Variants in PDZD2 observed in about 807,000 individuals in gnomAD.
PDZD2 encodes PDZ domain containing 2.
PDZD2 carries 90 observed loss-of-function variants against 220.7 expected under a neutral mutation model. The observed-to-expected ratio is 0.41, with a 90% CI of 0.34 to 0.49. The LOEUF is 0.49. PDZD2 is among the 20% of genes least tolerant of loss of function. The pLI is 0.28. For synonymous variants in PDZD2, 1,375 were observed against 1,450.5 expected (o/e 0.95, Z 1.18); for missense variants, 3,174 against 3,608.5 (o/e 0.88, Z 3.08).
intron 2 of PDZD2, among the ~76,000 whole-genome samples, chr5:31,975,798 T>TTTTTTTTTTC (rs1749702873): frequency 2.1e-5 from 1 of 47,604 alleles, no homozygotes; most frequent in African/African-American, 1.1e-4. Flanking sequence ...AGTCACTTTT[T>TTTTTTTTTTC]TTTTATTTAT....
At chr5:32,023,079 G>A (rs369990976) in intron 6 of PDZD2, among the ~76,000 whole-genome samples, 21 of 152,180 alleles carry the variant, frequency 1.4e-4, no homozygotes, top group Non-Finnish European at 2.1e-4. Flanking sequence ...CCTGCCAGTC[G>A]GGGTGCTGGC....
chr5:31,737,490 T>C (rs551674467), intron 1 of PDZD2, among the ~76,000 whole-genome samples: 6 of 152,228 alleles, frequency 3.9e-5, no homozygotes, highest in Admixed American at 1.3e-4. Context: ...CTACTTCTTA[T>C]AGGGAAAGGA....
intron 7 of PDZD2, among the ~76,000 whole-genome samples, chr5:32,038,370 TACACAC>T (rs1377532006): frequency 6.7e-6 from 1 of 150,368 alleles, no homozygotes; most frequent in Non-Finnish European, 1.5e-5. Context: ...TCTACTAAAA[TACACAC>T]ACACACAAAA....
chr5:31,781,655 G>A (rs73058483), intron 1 of PDZD2, among the ~76,000 whole-genome samples: 4,774 of 152,306 alleles, frequency 0.031, 85 homozygotes, highest in Middle Eastern at 0.048. Flanking sequence ...AATGCTGTAC[G>A]TAGTCCTAGG....
Position 31,827,015 on chromosome 5 carries a change from G to A in PDZD2, c.476+27291G>A, listed in dbSNP as rs76994948. Among the ~76,000 whole-genome samples, 293 of 152,218 alleles carry A rather than the reference G, an allele frequency of 1.9e-3. 1 individual carries two copies. Among genetic ancestry groups the A allele is most frequent in the Non-Finnish European group, 3.5e-3 (241 of 68,018 alleles). On this transcript the variant is annotated intron_variant, in intron 2 of 24. Transcript: ENST00000438447. Reference sequence around the variant, plus strand: ...GTGTGTCTGTCCCTATAGACAGCACGTCCATTCCCCAGAAAGGAGCGTAAC... The same window carrying A: ...GTGTGTCTGTCCCTATAGACAGCACATCCATTCCCCAGAAAGGAGCGTAAC...
Position 31,789,054 on chromosome 5 carries a change from A to G in PDZD2, c.-360-9835A>G, listed in dbSNP as rs114381351. On this transcript the variant is annotated intron_variant, in intron 1 of 24. Transcript: ENST00000438447. ...TTATTCAGCTATAACAGAATATCTA[A>G]TTAACAGGGCTTAGACAAGATAGGT... is the stretch of plus-strand genomic sequence containing the variant. 4.1e-3 allele frequency among the ~76,000 whole-genome samples: 632 copies of G among 152,330 alleles called. 5 individuals are homozygous for G. Among genetic ancestry groups the G allele is most frequent in the African/African-American group, 0.014 (571 of 41,578 alleles).
intron 2 of PDZD2, among the ~76,000 whole-genome samples, chr5:31,971,397 A>G (rs1471254720): frequency 1.3e-5 from 2 of 152,202 alleles, no homozygotes; most frequent in Non-Finnish European, 2.9e-5. Flanking sequence ...CCCATTCACG[A>G]GGCCTCTGGC....
At chr5:31,781,610 A>G (rs1392476423) in intron 1 of PDZD2, among the ~76,000 whole-genome samples, 1 of 152,268 alleles carries the variant, frequency 6.6e-6, no homozygotes, top group Non-Finnish European at 1.5e-5. Context: ...AAGCATAAGC[A>G]AATGAAACTA....
At chr5:31,929,478 TGC>T (rs1394795344) in intron 2 of PDZD2, among the ~76,000 whole-genome samples, 1 of 152,170 alleles carries the variant, frequency 6.6e-6, no homozygotes, top group Non-Finnish European at 1.5e-5. Flanking sequence ...CTGCGGACAG[TGC>T]TAAATGTCTC....
rs373577581 is a variant in PDZD2 at position 31,754,695 on chromosome 5, C to T, written c.-360-44194C>T. On this transcript the variant is annotated intron_variant, in intron 1 of 24. Transcript: ENST00000438447. ...AGCTCTGGTTCAGAAGTCAGAGAGC[C>T]TGAATTTTGATTGTGACTCTTTCTG... 4.6e-5 allele frequency: 7 copies of T among 152,224 alleles called. 1 individual carries two copies. The highest frequency in any genetic ancestry group is 3.9e-4 in the East Asian group (2 of 5,174). 9.4% of individuals were successfully genotyped at this position (152,224 alleles called of 1,614,324 possible). A position where few individuals can be genotyped will look rare whatever the true frequency, so the allele number is the denominator to read the frequency against.
chr5:31,822,034 T>A (rs1206813144), intron 2 of PDZD2, among the ~76,000 whole-genome samples: 1 of 152,218 alleles, frequency 6.6e-6, no homozygotes, highest in African/African-American at 2.4e-5. Flanking sequence ...TCATCGTTTT[T>A]TATGGCTGCA....
chr5:32,004,013 C>T (rs1752613541), intron 5 of PDZD2, among the ~76,000 whole-genome samples: 2 of 151,892 alleles, frequency 1.3e-5, no homozygotes, highest in African/African-American at 4.8e-5. Flanking sequence ...CATCCAGCCT[C>T]TCCTGCTAGT....
At chr5:31,879,755 C>T (rs1580975492) in intron 2 of PDZD2, among the ~76,000 whole-genome samples, 1 of 151,820 alleles carries the variant, frequency 6.6e-6, no homozygotes, top group African/African-American at 2.4e-5. Flanking sequence ...TAGCTTTTCT[C>T]ATTATCTTCA....
At chr5:31,973,909 G>C (rs1007522581) in intron 2 of PDZD2, among the ~76,000 whole-genome samples, 7 of 152,192 alleles carry the variant, frequency 4.6e-5, no homozygotes, top group Non-Finnish European at 1.0e-4. Context: ...TATAGTCACA[G>C]CCACTTGGGA....
chr5:32,096,918 C>T (rs1180156074), intron 21 of PDZD2, among the ~76,000 whole-genome samples: 2 of 147,376 alleles, frequency 1.4e-5, no homozygotes, highest in Admixed American at 7.0e-5. Context: ...TCACTGCAGC[C>T]GTGACCTTCC....
rs150975048 is a variant in PDZD2, at chr5:31,706,003, G to A, written c.-361+66566G>A. Among the ~76,000 whole-genome samples, 229 of 151,146 alleles carry A rather than the reference G, an allele frequency of 1.5e-3. 2 individuals are homozygous for A. Among genetic ancestry groups the A allele is most frequent in the African/African-American group, 5.3e-3 (220 of 41,440 alleles). On this transcript the variant is annotated intron_variant, in intron 1 of 24. Transcript: ENST00000438447. The stretch of plus-strand genomic sequence containing the variant: ...GGAGGCGGAGGTTGCAGTGAGCCAA[G>A]ATTATACCACTGTACTTCAGCCTGG...
At chr5:31,881,763 T>A (rs965516516) in intron 2 of PDZD2, among the ~76,000 whole-genome samples, 2 of 151,846 alleles carry the variant, frequency 1.3e-5, no homozygotes, top group Non-Finnish European at 2.9e-5. Context: ...TCACTCAGGC[T>A]GGAGTGCAGT....
In PDZD2 at chr5:31,931,988, G is replaced by A. The variant is rs536240927; in HGVS notation, c.477-51167G>A. 1.8e-3 allele frequency among the ~76,000 whole-genome samples: 276 copies of A among 152,234 alleles called. 1 individual carries two copies. The highest frequency in any genetic ancestry group is 0.01 in the Middle Eastern group (3 of 294). ...TGCCTCCCCAAATTTGCAGGCCAAG[G>A]TCCTCCCCGCTTGCACAATTGGCAG... On this transcript the variant is annotated intron_variant, in intron 2 of 24. Coordinates refer to ENST00000438447, the MANE Select transcript of PDZD2 (RefSeq NM_178140.4).
chr5:32,103,096 T>TGAAA (rs145305745), intron 24 of PDZD2, among the ~76,000 whole-genome samples: 3,237 of 151,904 alleles, frequency 0.021, 120 homozygotes, highest in African/African-American at 0.074. Context: ...AAAAAGGTAA[T>TGAAA]GAAAGAGTTC....
Sources: gnomAD v4.1 joint callset for allele counts (sites outside exome capture counted in the v4.1 genomes callset) on GRCh38, gnomAD v4.1.1 for gene constraint, MANE v1.5 for transcripts, NCBI Gene and HGNC (gene_info 2026-07-23, HGNC 2026-07-21) for gene names.